Variants in TOLLIP observed in about 807,000 individuals in gnomAD.
TOLLIP encodes toll interacting protein.
In TOLLIP, 16 loss-of-function variants were observed where a neutral mutation model predicts 33.5. That is an observed-to-expected ratio of 0.48 (90% confidence interval 0.32 to 0.72). The LOEUF is 0.72. Among genes scored for constraint, TOLLIP ranks in the 30% least tolerant of loss-of-function variants. The pLI is 0.03. For synonymous variants in TOLLIP, 176 were observed against 163.7 expected, an observed-to-expected ratio of 1.07 and a Z score of -0.57; for missense variants, 325 against 396.6, an observed-to-expected ratio of 0.82 and a Z score of 1.53.
Position 1,290,659 on chromosome 11 carries a change from G to C in TOLLIP, c.184-250C>G, listed in dbSNP as rs958465106. ...CTCGTCCTTGACAGCAGAAACCTAC[G>C]ACGCTCACAGACACAGCTGAGGCCG... On this transcript the variant is annotated intron_variant, in intron 2 of 5. Coordinates refer to ENST00000317204, the MANE Select transcript of TOLLIP (RefSeq NM_019009.4). The surrounding 1 kb of genome is among the most constrained non-coding windows in gnomAD (Gnocchi z 4.9). Among the ~76,000 whole-genome samples the C allele has an allele frequency of 6.6e-6, 1 of 152,108 alleles. No homozygotes were observed. Among genetic ancestry groups the C allele is most frequent in the East Asian group, 1.9e-4 (1 of 5,194 alleles).
At position 1,290,431 on chromosome 11, in the gene TOLLIP, GA is replaced by G; in HGVS notation, c.184-23del. 1 of 1,607,510 alleles carries G rather than the reference GA, an allele frequency of 6.2e-7. No homozygotes were observed. The highest frequency in any genetic ancestry group is 8.5e-7 in the Non-Finnish European group (1 of 1,175,130). On this transcript the variant is annotated intron_variant, in intron 2 of 5. Transcript: ENST00000317204. The surrounding 1 kb of genome is among the most constrained non-coding windows in gnomAD (Gnocchi z 4.9). ...TTGCCTGGAATGAAGCCAATGTCAG[GA>G]AAAGGAGGTGCCAACCATCAGGAGA...
intron 4 of TOLLIP, 90 bp downstream of exon 4, chr11:1,288,534 A>G (rs761498621): frequency 3.7e-5 from 54 of 1,447,080 alleles, no homozygotes; most frequent in Non-Finnish European, 4.9e-5. Context: ...TGCCTCCAGG[A>G]AAGAGACAAG....
chr11:1,300,660 C>T (rs1864244204), intron 1 of TOLLIP, among the ~76,000 whole-genome samples: 1 of 152,250 alleles, frequency 6.6e-6, no homozygotes, highest in South Asian at 2.1e-4. Context: ...GAGAGTGCCG[C>T]TGCTTCCTTG....
chr11:1,292,628 A>G (rs1192063849), intron 2 of TOLLIP, among the ~76,000 whole-genome samples: 1 of 152,238 alleles, frequency 6.6e-6, no homozygotes, highest in Non-Finnish European at 1.5e-5. Flanking sequence ...GACTGCACAC[A>G]ACCACATGCT....
In TOLLIP at chr11:1,277,289, A is replaced by G. The variant is rs777645548; in HGVS notation, c.611-36T>C. On this transcript the variant is annotated intron_variant, in intron 5 of 5. Transcript: ENST00000317204. The surrounding 1 kb of genome is among the most constrained non-coding windows in gnomAD (Gnocchi z 4.2). The stretch of plus-strand genomic sequence containing the variant: ...AGATCAAGTTTGGTAAAAACGTCGG[A>G]AAGTTCCAGAAGTGCCACACTAGCT... 6.7e-7 allele frequency: 1 copy of G among 1,490,342 alleles called. No individual in the cohort carries two copies. Among genetic ancestry groups the G allele is most frequent in the Non-Finnish European group, 9.0e-7 (1 of 1,109,876 alleles). 92.3% of individuals were successfully genotyped at this position (1,490,342 alleles called of 1,614,324 possible). A position where few individuals can be genotyped will look rare whatever the true frequency, so the allele number is the denominator to read the frequency against.
intron 5 of TOLLIP, among the ~76,000 whole-genome samples, chr11:1,279,286 G>T (rs5744006): frequency 6.6e-6 from 1 of 152,238 alleles, no homozygotes; most frequent in African/African-American, 2.4e-5. Flanking sequence ...GTGCTTCCAC[G>T]GTGTGGGCTG....
At chr11:1,308,864 C>A (rs1749322543) in intron 1 of TOLLIP, among the ~76,000 whole-genome samples, 1 of 146,356 alleles carries the variant, frequency 6.8e-6, no homozygotes, top group African/African-American at 2.5e-5. Context: ...CATCAGGGTG[C>A]GGGACCCGCC....
At chr11:1,304,597 ACTT>A (rs1333622777) in intron 1 of TOLLIP, among the ~76,000 whole-genome samples, 2 of 152,268 alleles carry the variant, frequency 1.3e-5, no homozygotes, top group South Asian at 2.1e-4. Flanking sequence ...ACAATGATTA[ACTT>A]CTTCTTTATT....
At chr11:1,296,490 C>T (rs1424771267) in intron 1 of TOLLIP, among the ~76,000 whole-genome samples, 5 of 152,240 alleles carry the variant, frequency 3.3e-5, no homozygotes, top group Admixed American at 1.3e-4. Flanking sequence ...GTAAACCATG[C>T]TCCACAGGTG....
intron 4 of TOLLIP, among the ~76,000 whole-genome samples, chr11:1,288,369 C>T (rs1564970688): frequency 6.6e-6 from 1 of 152,202 alleles, no homozygotes; most frequent in African/African-American, 2.4e-5. Flanking sequence ...AAAGGGTTGG[C>T]TCATCTTAGG....
In TOLLIP at chr11:1,276,233, C is replaced by T. The variant is rs1319296981; in HGVS notation, c.*806G>A. 5.5e-6 allele frequency: 1 copy of T among 180,616 alleles called. No homozygotes were observed. Among genetic ancestry groups the T allele is most frequent in the African/African-American group, 2.4e-5 (1 of 42,036 alleles). 11.2% of individuals were successfully genotyped at this position (180,616 alleles called of 1,614,324 possible). A position where few individuals can be genotyped will look rare whatever the true frequency, so the allele number is the denominator to read the frequency against. ...CACCTCTCACCCCAGCCTCGCAAGGCCTGTTGAGAAGAGAAGCTCCCTGGG... is the reference window on the plus strand; with the variant it reads ...CACCTCTCACCCCAGCCTCGCAAGGTCTGTTGAGAAGAGAAGCTCCCTGGG... On this transcript the variant is annotated 3_prime_UTR_variant, in exon 6 of 6. Transcript: ENST00000317204.
At position 1,276,082 on chromosome 11, in the gene TOLLIP, C is replaced by T. The variant is rs987765645; in HGVS notation, c.*957G>A. 6.6e-6 allele frequency: 1 copy of T among 152,340 alleles called. No homozygotes were observed. Among genetic ancestry groups the T allele is most frequent in the Non-Finnish European group, 1.5e-5 (1 of 68,134 alleles). The allele number at this position is 152,340 out of a possible 1,614,324, so 9.4% of individuals were successfully genotyped here. ...CCGCCTCAGAAAGCTTTTACAGGGC[C>T]ACGCTCGCCAGGCTTTCCTCGCCCA... On this transcript the variant is annotated 3_prime_UTR_variant, in exon 6 of 6. Coordinates refer to ENST00000317204, the MANE Select transcript of TOLLIP (RefSeq NM_019009.4).
At chr11:1,285,552 G>A (rs762769513) in intron 5 of TOLLIP, among the ~76,000 whole-genome samples, 1 of 152,346 alleles carries the variant, frequency 6.6e-6, no homozygotes, top group East Asian at 1.9e-4. Context: ...TAGAGAGCAC[G>A]CATCACCCAA....
At chr11:1,287,394 T>A (rs6578971) in intron 4 of TOLLIP, among the ~76,000 whole-genome samples, 82,268 of 88,726 alleles carry the variant, frequency 0.93, 38,171 homozygotes, top group South Asian at 0.94. Context: ...TCCCTGCTGC[T>A]GCCTCCCCGC....
In TOLLIP at chr11:1,290,298, G is replaced by A. The variant is rs772949834; in HGVS notation, c.295C>T (p.Arg99Cys). The A allele has an allele frequency of 1.2e-5, 20 of 1,613,522 alleles. No homozygotes were observed. The highest frequency in any genetic ancestry group is 1.6e-4 in the Middle Eastern group (1 of 6,084). ...GTGCAGTGGATGACCTTATTCCAGC[G>A]GGGATTCTTGGCGCCATTGTGTGCC... ...PTAHNGAKNPRWNKVIHCTVP... is the reference protein window; with the variant it reads ...PTAHNGAKNPCWNKVIHCTVP... Residue 99 changes from arginine to cysteine, a missense_variant, in exon 3 of 6, where the codon CGC becomes TGC. Physicochemically the swap from Arg to Cys is radical, Grantham distance 180 (BLOSUM62 -3). Coordinates refer to ENST00000317204, the MANE Select transcript of TOLLIP (RefSeq NM_019009.4). The surrounding 1 kb of genome is among the most constrained non-coding windows in gnomAD (Gnocchi z 4.9).
intron 4 of TOLLIP, among the ~76,000 whole-genome samples, chr11:1,286,630 C>CTGT (rs1224669056): frequency 5.3e-5 from 8 of 151,674 alleles, no homozygotes; most frequent in Admixed American, 2.0e-4. Context: ...CACTGCACTG[C>CTGT]TGTCTCCTGA....
intron 2 of TOLLIP, among the ~76,000 whole-genome samples, chr11:1,293,179 C>T (rs1400863001): frequency 6.6e-6 from 1 of 152,212 alleles, no homozygotes; most frequent in Non-Finnish European, 1.5e-5. Flanking sequence ...CCTCAGCTTC[C>T]AGAGTGTGGG....
At position 1,277,790 on chromosome 11, in the gene TOLLIP, G is replaced by C. The variant is rs1446884311; in HGVS notation, c.611-537C>G. 1.3e-5 allele frequency among the ~76,000 whole-genome samples: 2 copies of C among 152,180 alleles called. No homozygotes were observed. Among genetic ancestry groups the C allele is most frequent in the African/African-American group, 2.4e-5 (1 of 41,432 alleles). ...TGTGTCACTAAACTGTGTGCCGGTG[G>C]GGAACAATCACCACAGGCACTGAAG... On this transcript the variant is annotated intron_variant, in intron 5 of 5. Transcript: ENST00000317204. This position sits in a 1 kb window ranked among gnomAD's most constrained non-coding sequence, Gnocchi z 4.2.
intron 5 of TOLLIP, chr11:1,283,398 C>T (rs961560352): frequency 1.1e-5 from 4 of 370,668 alleles, no homozygotes; most frequent in Non-Finnish European, 2.1e-5. Context: ...ACAGCCCCAA[C>T]GCGTCAGTGT....
Sources: gnomAD v4.1 joint callset for allele counts (sites outside exome capture counted in the v4.1 genomes callset) on GRCh38, gnomAD v4.1.1 for gene constraint, Gnocchi (gnomAD v3.1) non-coding constraint, MANE v1.5 for transcripts, NCBI Gene and HGNC (gene_info 2026-07-23, HGNC 2026-07-21) for gene names.